HEATR4: variants seen among roughly 807,000 people sequenced by gnomAD.
HEATR4 encodes HEAT repeat containing 4.
A neutral mutation model predicts 108.8 loss-of-function variants in HEATR4; 95 were observed. The ratio of observed to expected loss-of-function variants is 0.87; its 90% CI spans 0.74 to 1.04. HEATR4 has a LOEUF of 1.04. HEATR4 is among the 50% of genes least tolerant of loss of function. The pLI is 0.00. For synonymous variants in HEATR4, 443 were observed against 459.4 expected (o/e 0.96, Z 0.46); for missense variants, 1,152 against 1,253.8 (o/e 0.92, Z 1.23).
At chr14:73,614,733 C>T in the HEATR4 span, among the ~76,000 whole-genome samples, 2 of 127,040 alleles carry the variant, frequency 1.6e-5, no homozygotes, top group Admixed American at 8.9e-5. Context: ...GGCGACAGAG[C>T]GAGACCCTGT....
intron 2 of HEATR4, among the ~76,000 whole-genome samples, chr14:73,525,326 C>G (rs549910643): frequency 6.6e-6 from 1 of 152,160 alleles, no homozygotes; most frequent in Non-Finnish European, 1.5e-5. Context: ...AGCTACAGCA[C>G]TCAGCAAAGG....
chr14:73,566,389 C>T, the HEATR4 span, among the ~76,000 whole-genome samples: 16 of 152,072 alleles, frequency 1.1e-4, no homozygotes, highest in Admixed American at 2.6e-4. Flanking sequence ...CAGGGGGCGG[C>T]GCTCGTCAGG....
the HEATR4 span, among the ~76,000 whole-genome samples, chr14:73,570,976 CTT>C: frequency 1.3e-4 from 10 of 74,346 alleles, 1 homozygote; most frequent in Non-Finnish European, 2.7e-4. Context: ...TAGGAAGCCA[CTT>C]TTTTTTTTTT....
chr14:73,571,802 T>C, the HEATR4 span: 1 of 152,120 alleles, frequency 6.6e-6, no homozygotes, highest in Admixed American at 6.6e-5. Flanking sequence ...TCGCACAGTA[T>C]GTTAAGATTT....
At chr14:73,504,591 C>A (rs1377412152) in intron 10 of HEATR4, among the ~76,000 whole-genome samples, 1 of 152,150 alleles carries the variant, frequency 6.6e-6, no homozygotes, top group Non-Finnish European at 1.5e-5. Flanking sequence ...TGCTGCTGGT[C>A]CAGGACTTTA....
chr14:73,522,201 A>G lies in HEATR4; in HGVS notation c.881+71T>C. On this transcript the variant is annotated intron_variant, in intron 3 of 17. Transcript: ENST00000553558. ...AGTGCATTCTGAAATCGGGAGTGTG[A>G]GTCCACCTGGGAGTCCCTAAAGGGG... The G allele has an allele frequency of 2.0e-6, 3 of 1,481,936 alleles. No individual in the cohort carries two copies. In the East Asian group the frequency reaches 6.8e-5, roughly 34 times the overall value. 91.8% of individuals were successfully genotyped at this position (1,481,936 alleles called of 1,614,324 possible).
the HEATR4 span, among the ~76,000 whole-genome samples, chr14:73,625,493 C>T: frequency 7.9e-5 from 12 of 152,126 alleles, no homozygotes; most frequent in East Asian, 2.3e-3. Context: ...TCCCAAGTAG[C>T]TGGGATTACA....
At position 73,522,727 on chromosome 14, in the gene HEATR4, G is replaced by A; in HGVS notation, c.426C>T (p.Ala142=). The A allele has an allele frequency of 6.2e-7, 1 of 1,614,212 alleles. No homozygotes were observed. The highest frequency in any genetic ancestry group is 8.5e-7 in the Non-Finnish European group (1 of 1,180,042). Reference sequence around the variant, plus strand: ...ATTTCTTCAGCTTCTTTTCGGGATTGGCAGAGCTTTCTGTCTTCACAGCCA... The same window carrying A: ...ATTTCTTCAGCTTCTTTTCGGGATTAGCAGAGCTTTCTGTCTTCACAGCCA... ...TSLAVKTESS[A]NPEKKLKKSK... Residue 142 remains alanine, a synonymous_variant, in exon 3 of 18, where the codon GCC becomes GCT. Coordinates refer to ENST00000553558, the MANE Select transcript of HEATR4 (RefSeq NM_001220484.1).
At chr14:73,481,383 G>A (rs1253328243) in intron 17 of HEATR4, among the ~76,000 whole-genome samples, 1 of 152,180 alleles carries the variant, frequency 6.6e-6, no homozygotes, top group Non-Finnish European at 1.5e-5. Context: ...ATATTGCAGT[G>A]AGGTGAGATG....
chr14:73,568,757 T>C, the HEATR4 span, among the ~76,000 whole-genome samples: 282 of 152,084 alleles, frequency 1.9e-3, 7 homozygotes, highest in Middle Eastern at 3.4e-3. Flanking sequence ...ATTTTTACAC[T>C]TGTAAGGAAT....
chr14:73,525,858 C>A (rs1192905346), intron 2 of HEATR4, among the ~76,000 whole-genome samples: 1 of 151,556 alleles, frequency 6.6e-6, no homozygotes, highest in Non-Finnish European at 1.5e-5. Flanking sequence ...GAGGCTGAGG[C>A]AGAAGAATTG....
At chr14:73,538,632 G>A (rs56002300) in intron 1 of HEATR4, among the ~76,000 whole-genome samples, 8,445 of 101,386 alleles carry the variant, frequency 0.083, 2,691 homozygotes, top group Admixed American at 0.22. Context: ...AAAAAAAAAG[G>A]CATTGTAAGG....
the HEATR4 span, among the ~76,000 whole-genome samples, chr14:73,590,709 G>T: frequency 6.6e-6 from 1 of 151,822 alleles, no homozygotes; most frequent in Non-Finnish European, 1.5e-5. Context: ...CGGGGCTTGC[G>T]GGCCGGCCGG....
At chr14:73,532,602 G>T (rs549785895) in intron 1 of HEATR4, among the ~76,000 whole-genome samples, 1 of 115,438 alleles carries the variant, frequency 8.7e-6, no homozygotes, top group African/African-American at 2.8e-5. Context: ...TTGGGCTCAA[G>T]CTGCACTCAG....
At chr14:73,489,510 A>G (rs1885589051) in intron 17 of HEATR4, among the ~76,000 whole-genome samples, 1 of 152,196 alleles carries the variant, frequency 6.6e-6, no homozygotes, top group Admixed American at 6.5e-5. Context: ...GCAGTTTGGT[A>G]AAACCTATTA....
rs1885854195 is a variant in HEATR4 at position 73,492,662 on chromosome 14, C to T, written c.2844+404G>A. On this transcript the variant is annotated intron_variant, in intron 17 of 17. Transcript: ENST00000553558. The surrounding 1 kb of genome is among the most constrained non-coding windows in gnomAD (Gnocchi z 4.9). ...CCAGTTGACAACAGAAACAGAAGTC[C>T]ATATGCTTCAGGATGGGATAGCTCG... The T allele has an allele frequency of 6.2e-7, 1 of 1,613,834 alleles. No homozygotes were observed. Among genetic ancestry groups the T allele is most frequent in the Non-Finnish European group, 8.5e-7 (1 of 1,179,882 alleles).
At chr14:73,509,067 A>G (rs1432277123) in intron 8 of HEATR4, among the ~76,000 whole-genome samples, 1 of 152,064 alleles carries the variant, frequency 6.6e-6, no homozygotes, top group East Asian at 1.9e-4. Context: ...GGGTCTTGTT[A>G]TGTTGCCCAG....
At position 73,522,762 on chromosome 14, in the gene HEATR4, C is replaced by T. The variant is rs374166668; in HGVS notation, c.391G>A (p.Asp131Asn). 4.3e-5 allele frequency: 70 copies of T among 1,614,068 alleles called. No homozygotes were observed. In the African/African-American group the frequency reaches 8.8e-4, roughly 20 times the overall value. The change falls in exon 3 of 18, where the codon GAC (aspartate) becomes AAC (asparagine). Residue 131 changes from aspartate to asparagine, a missense_variant. By Grantham distance (23) the Asp-to-Asn change is conservative. Coordinates refer to ENST00000553558, the MANE Select transcript of HEATR4 (RefSeq NM_001220484.1). The part of the protein sequence containing the change: ...FLGSSSPLTG[D>N]TSLAVKTESS... ...TCTGTCTTCACAGCCAGGGAGGTGT[C>T]TCCTGTTAAGGGACTTGAGGAACCC...
In HEATR4 at chr14:73,558,897, A is replaced by G. The variant is rs1305519650; in HGVS notation, c.-298T>C. 6.6e-6 allele frequency: 1 copy of G among 151,492 alleles called. No homozygotes were observed. Among genetic ancestry groups the G allele is most frequent in the Non-Finnish European group, 1.5e-5 (1 of 67,864 alleles). The allele number at this position is 151,492 out of a possible 1,614,324, so 9.4% of individuals were successfully genotyped here. On this transcript the variant is annotated 5_prime_UTR_variant, in exon 1 of 18. The change abolishes the stop of an existing upstream ORF in the 5' untranslated region. Coordinates refer to ENST00000553558, the MANE Select transcript of HEATR4 (RefSeq NM_001220484.1). Reference sequence around the variant, plus strand: ...AATGGCCTCCTAAAAGGCAGTCCTCAGAGAGAAGCAAGGTTCTGCATCTTA... The same window carrying G: ...AATGGCCTCCTAAAAGGCAGTCCTCGGAGAGAAGCAAGGTTCTGCATCTTA...
Sources: gnomAD v4.1 joint callset for allele counts (sites outside exome capture counted in the v4.1 genomes callset) on GRCh38, gnomAD v4.1.1 for gene constraint, Gnocchi (gnomAD v3.1) non-coding constraint, MANE v1.5 for transcripts, NCBI Gene and HGNC (gene_info 2026-07-23, HGNC 2026-07-21) for gene names.